Variants in LIPT1 observed in about 807,000 individuals in gnomAD.
LIPT1 encodes the protein lipoyl amidotransferase LIPT1, mitochondrial.
A neutral mutation model predicts 25.1 loss-of-function variants in LIPT1; 22 were observed. That is an observed-to-expected ratio of 0.88 (90% CI 0.63 to 1.25). The LOEUF (loss-of-function observed/expected upper bound fraction) is 1.25. Among genes scored for constraint, LIPT1 ranks in the 50% most tolerant of loss-of-function variants. The probability of loss-of-function intolerance (pLI) is 0.00; values close to 1 mark genes in which losing one functional copy is unlikely to be tolerated. For synonymous variants in LIPT1, 131 were observed against 150.8 expected (o/e 0.87, Z 0.96); for missense variants, 399 against 432.8 (o/e 0.92, Z 0.69).
chr2:99,154,988 G>T lies in LIPT1; in HGVS notation c.-65G>T. On this transcript the variant is annotated 5_prime_UTR_variant, in exon 1 of 2. Transcript: ENST00000651691. Reference sequence around the variant, plus strand: ...GCGCAAGGCCTGCCGGTTGCTCGGGGTCGTATGACGCACTTTTCCAGCTCG... The same window carrying T: ...GCGCAAGGCCTGCCGGTTGCTCGGGTTCGTATGACGCACTTTTCCAGCTCG... 2.2e-6 allele frequency: 1 copy of T among 456,022 alleles called. No homozygotes were observed. The allele number at this position is 456,022 out of a possible 1,614,324, so 28.2% of individuals were successfully genotyped here.
At position 99,162,504 on chromosome 2, in the gene LIPT1, A is replaced by G; in HGVS notation, c.547A>G (p.Ser183Gly). The change falls in exon 2 of 2, where the codon AGT (serine) becomes GGT (glycine). Residue 183 changes from serine to glycine, a missense_variant. By Grantham distance (56) the Ser-to-Gly change is moderately conservative (BLOSUM62 0). Coordinates refer to ENST00000651691, the MANE Select transcript of LIPT1 (RefSeq NM_145199.3). ...CTATCACCATTGCACTTTATTATGT[A>G]GTACTGATGGGACGTTCTTGTCTTC... ...TAYHHCTLLCSTDGTFLSSLL... is the reference protein window; with the variant it reads ...TAYHHCTLLCGTDGTFLSSLL... 6.2e-7 allele frequency: 1 copy of G among 1,614,172 alleles called. No individual in the cohort carries two copies. The highest frequency in any genetic ancestry group is 8.5e-7 in the Non-Finnish European group (1 of 1,180,018).
At chr2:99,161,719 T>G in intron 1 of LIPT1, 1 of 431,474 alleles carries the variant, frequency 2.3e-6, no homozygotes, top group South Asian at 4.8e-5. Context: ...GCAGCAGACT[T>G]ATTGTTTGAA....
intron 1 of LIPT1, among the ~76,000 whole-genome samples, chr2:99,160,728 G>T (rs1280196524): frequency 6.6e-6 from 1 of 152,058 alleles, no homozygotes; most frequent in African/African-American, 2.4e-5. Flanking sequence ...GACCTCAAGG[G>T]TTCATCCTAA....
chr2:99,157,934 CT>C (rs1477161173), intron 1 of LIPT1, among the ~76,000 whole-genome samples: 3 of 152,190 alleles, frequency 2.0e-5, no homozygotes, highest in African/African-American at 7.2e-5. Context: ...AATTTCACCT[CT>C]TTGCCAGGCC....
intron 1 of LIPT1, among the ~76,000 whole-genome samples, chr2:99,158,280 A>G (rs1004790203): frequency 1.3e-5 from 2 of 152,086 alleles, no homozygotes; most frequent in Admixed American, 6.5e-5. Context: ...TACATTCTCC[A>G]TGCTTAAAAT....
At position 99,162,107 on chromosome 2, in the gene LIPT1, G is replaced by C. The variant is rs1574811310; in HGVS notation, c.150G>C (p.Trp50Cys). The change falls in exon 2 of 2, where the codon TGG (tryptophan) becomes TGC (cysteine). Residue 50 changes from tryptophan to cysteine, a missense_variant. Physicochemically the swap from Trp to Cys is radical, Grantham distance 215 (BLOSUM62 -2). Transcript: ENST00000651691. ...ATCAAAATCTGGCTGTGGAAGACTG[G>C]ATCCATGACCATATGAATCTAGAAG... ...DVYQNLAVEDWIHDHMNLEGK... is the reference protein window; with the variant it reads ...DVYQNLAVEDCIHDHMNLEGK... The C allele has an allele frequency of 1.9e-6, 3 of 1,613,954 alleles. No homozygotes were observed. Among genetic ancestry groups the C allele is most frequent in the African/African-American group, 2.7e-5 (2 of 74,886 alleles).
At chr2:99,159,949 G>T (rs1454227134) in intron 1 of LIPT1, among the ~76,000 whole-genome samples, 2 of 152,138 alleles carry the variant, frequency 1.3e-5, no homozygotes, top group Non-Finnish European at 2.9e-5. Flanking sequence ...CAGATTTGGT[G>T]ACTCAGTTCA....
At chr2:99,156,205 C>T (rs2093751404) in intron 1 of LIPT1, 1 of 152,226 alleles carries the variant, frequency 6.6e-6, no homozygotes, top group Admixed American at 6.5e-5. Flanking sequence ...TTTAATGAGG[C>T]TTAGCCTAAC....
rs147814347 is a variant in LIPT1 at position 99,155,990 on chromosome 2, G to C, written c.-2+939G>C. Among the ~76,000 whole-genome samples the C allele has an allele frequency of 3.4e-4, 52 of 151,630 alleles. 1 individual carries two copies. The East Asian group carries it at 8.7e-3, about 25-fold the overall frequency. ...GGCTCATCTGAATATCTGATAGATG[G>C]TCTATAGTTCTCTTTGTAAATCAAT... On this transcript the variant is annotated intron_variant, in intron 1 of 1. Coordinates refer to ENST00000651691, the MANE Select transcript of LIPT1 (RefSeq NM_145199.3).
intron 1 of LIPT1, chr2:99,156,767 A>G (rs1308366739): frequency 6.6e-6 from 1 of 152,242 alleles, no homozygotes; most frequent in Admixed American, 6.5e-5. Context: ...GCATTGGCTC[A>G]ATACATGAAT....
At chr2:99,155,652 G>T (rs1289795292) in intron 1 of LIPT1, 1 of 418,042 alleles carries the variant, frequency 2.4e-6, no homozygotes, top group Non-Finnish European at 4.8e-6. Context: ...GAACTTCAAA[G>T]GCTTGACACT....
At position 99,161,957 on chromosome 2, in the gene LIPT1, C is replaced by T. The variant is rs761915155; in HGVS notation, c.-1C>T. 3.8e-6 allele frequency: 6 copies of T among 1,569,342 alleles called. No individual in the cohort carries two copies. The highest frequency in any genetic ancestry group is 3.9e-5 in the Admixed American group (2 of 51,144). Reference sequence around the variant, plus strand: ...TTTGTTTGTCTTCCATTTTTAAAAGCATGCTGATCCCATTTTCAATGAAGA... The same window carrying T: ...TTTGTTTGTCTTCCATTTTTAAAAGTATGCTGATCCCATTTTCAATGAAGA... On this transcript the variant is annotated splice_region_variant and 5_prime_UTR_variant, in exon 2 of 2. Coordinates refer to ENST00000651691, the MANE Select transcript of LIPT1 (RefSeq NM_145199.3).
At chr2:99,159,691 C>T (rs939280828) in intron 1 of LIPT1, among the ~76,000 whole-genome samples, 7 of 152,128 alleles carry the variant, frequency 4.6e-5, no homozygotes, top group African/African-American at 1.7e-4. Flanking sequence ...TCCATAAATA[C>T]TTGTTGAATG....
chr2:99,162,379 A>G lies in LIPT1; in HGVS notation c.422A>G (p.Gln141Arg). ...KLIVRALNAV[Q>R]PQLDVQATKR... ...ATTGTGAGAGCTCTGAATGCTGTCC[A>G]ACCCCAGCTGGATGTGCAGGCTACC... The change falls in exon 2 of 2, where the codon CAA (glutamine) becomes CGA (arginine). Residue 141 changes from glutamine to arginine, a missense_variant. Physicochemically the swap from Gln to Arg is conservative, Grantham distance 43 (BLOSUM62 1). Coordinates refer to ENST00000651691, the MANE Select transcript of LIPT1 (RefSeq NM_145199.3). 6.2e-7 allele frequency: 1 copy of G among 1,614,078 alleles called. No homozygotes were observed. The highest frequency in any genetic ancestry group is 1.1e-5 in the South Asian group (1 of 91,086).
chr2:99,155,199 C>G (rs1005407569), intron 1 of LIPT1, 148 bp downstream of exon 1: 6 of 390,540 alleles, frequency 1.5e-5, no homozygotes, highest in African/African-American at 4.2e-5. Flanking sequence ...TGTGTGCACA[C>G]TTTCTCCTCA....
At chr2:99,161,829 A>G (rs1401788542) in intron 1 of LIPT1, 128 bp from the exon 2 acceptor site, 1 of 743,546 alleles carries the variant, frequency 1.3e-6, no homozygotes, top group African/African-American at 1.8e-5. Context: ...TTGTAAAGCT[A>G]AAAGCCAAAA....
At chr2:99,160,881 A>C (rs2093781805) in intron 1 of LIPT1, among the ~76,000 whole-genome samples, 1 of 152,202 alleles carries the variant, frequency 6.6e-6, no homozygotes, top group South Asian at 2.1e-4. Context: ...GATAACCAGA[A>C]AAACTAGAAG....
chr2:99,161,319 TATATATATATATATATATAG>T (rs1378545425), intron 1 of LIPT1: 1 of 100,150 alleles, frequency 1.0e-5, no homozygotes, highest in African/African-American at 4.2e-5. Flanking sequence ...TATATATATA[TATATATATATATATATATAG>T]ATTGAATGTC....
At position 99,155,036 on chromosome 2, in the gene LIPT1, C is replaced by T. The variant is rs181470779; in HGVS notation, c.-17C>T. On this transcript the variant is annotated 5_prime_UTR_variant, in exon 1 of 2. The change creates a new upstream start codon in the 5' untranslated region. Transcript: ENST00000651691. ...TCGAGCCCTCACGAGGCCGTGGGTACGACCGGAAGCCGCAGGTGGGTGAAG... is the reference window on the plus strand; with the variant it reads ...TCGAGCCCTCACGAGGCCGTGGGTATGACCGGAAGCCGCAGGTGGGTGAAG... 757 of 455,812 alleles carry T rather than the reference C, an allele frequency of 1.7e-3. 5 individuals carry two copies. The highest frequency in any genetic ancestry group is 0.014 in the African/African-American group (691 of 50,192). The allele number at this position is 455,812 out of a possible 1,614,324, so 28.2% of individuals were successfully genotyped here.
Sources: allele counts gnomAD v4.1 joint callset (sites outside exome capture counted in the v4.1 genomes callset), GRCh38; gene constraint gnomAD v4.1.1; transcripts MANE v1.5; gene names NCBI Gene and HGNC (gene_info 2026-07-23, HGNC 2026-07-21).